The following REPS1 variants were observed in gnomAD, a reference collection of about 807,000 sequenced individuals.
REPS1 encodes the protein ralBP1-associated Eps domain-containing protein 1.
REPS1 carries 39 observed loss-of-function variants against 100.9 expected under a neutral mutation model. That is an observed-to-expected ratio of 0.39 (90% CI 0.30 to 0.50). REPS1 has a LOEUF of 0.50. Ranked by LOEUF, REPS1 falls within the 20% of genes least tolerant of loss-of-function variation. The probability of loss-of-function intolerance (pLI) is 0.86; values close to 1 mark genes in which losing one functional copy is unlikely to be tolerated. For missense variants in REPS1, 821 were observed against 968.5 expected, an observed-to-expected ratio of 0.85 and a Z score of 2.02; for synonymous variants, 324 against 340.3, an observed-to-expected ratio of 0.95 and a Z score of 0.53.
chr6:138,983,289 T>C (rs748124581), intron 1 of REPS1, among the ~76,000 whole-genome samples: 1 of 151,940 alleles, frequency 6.6e-6, no homozygotes, highest in Non-Finnish European at 1.5e-5. Context: ...CCGACTCTAC[T>C]AAAAATACAA....
At position 138,943,917 on chromosome 6, in the gene REPS1, T is replaced by C. The variant is rs1292193819; in HGVS notation, c.852A>G (p.Glu284=). The part of the protein sequence containing the change: ...SYDDPWKITD[E]QRQYYVNQFK... Reference sequence around the variant, plus strand: ...ACTGATTTACATAATACTGTCTTTGTTCATCTGTTATTTTCCAGGGATCAT... The same window carrying C: ...ACTGATTTACATAATACTGTCTTTGCTCATCTGTTATTTTCCAGGGATCAT... The change falls in exon 6 of 20, where the codon GAA becomes GAG. Residue 284 remains glutamate, a synonymous_variant. Transcript: ENST00000450536. The C allele has an allele frequency of 1.2e-6, 2 of 1,613,688 alleles. No individual in the cohort carries two copies. Among genetic ancestry groups the C allele is most frequent in the African/African-American group, 1.3e-5 (1 of 74,924 alleles).
At chr6:138,918,935 C>A in intron 12 of REPS1, among the ~76,000 whole-genome samples, 1 of 152,140 alleles carries the variant, frequency 6.6e-6, no homozygotes, top group Non-Finnish European at 1.5e-5. Context: ...GCTGAAGGGA[C>A]TGGTTATTTT....
chr6:138,970,301 A>G (rs886525529), intron 1 of REPS1, among the ~76,000 whole-genome samples: 1 of 152,140 alleles, frequency 6.6e-6, no homozygotes, highest in African/African-American at 2.4e-5. Context: ...AGAAGACAGT[A>G]GGAAGACAAT....
At chr6:138,911,865 A>C (rs574951970) in intron 16 of REPS1, among the ~76,000 whole-genome samples, 1 of 152,248 alleles carries the variant, frequency 6.6e-6, no homozygotes, top group East Asian at 1.9e-4. Context: ...GCGAGGATGC[A>C]GGTCATAAAT....
chr6:138,971,653 T>C (rs1784353042), intron 1 of REPS1, among the ~76,000 whole-genome samples: 1 of 152,132 alleles, frequency 6.6e-6, no homozygotes, highest in Non-Finnish European at 1.5e-5. Context: ...AAAGCAGCAA[T>C]GTCTTGTCAG....
intron 1 of REPS1, among the ~76,000 whole-genome samples, chr6:138,977,483 G>A (rs1784660079): frequency 6.6e-6 from 1 of 152,148 alleles, no homozygotes; most frequent in Non-Finnish European, 1.5e-5. Flanking sequence ...TGATATGCGG[G>A]TGCCATCACA....
chr6:138,930,295 C>T (rs954050705), intron 8 of REPS1, among the ~76,000 whole-genome samples, 197 bp from the exon 9 acceptor site: 3 of 152,046 alleles, frequency 2.0e-5, no homozygotes, highest in African/African-American at 7.2e-5. Context: ...CTACTCAAAA[C>T]CACAGCTTTT....
intron 16 of REPS1, 103 bp from the exon 17 acceptor site, chr6:138,911,474 A>G: frequency 1.2e-6 from 1 of 800,390 alleles, no homozygotes; most frequent in Non-Finnish European, 2.0e-6. Context: ...ATATTCTGAC[A>G]AGAAAACTGA....
Position 138,938,839 on chromosome 6 carries a change from C to T in REPS1, c.1135+2496G>A, listed in dbSNP as rs186753270. On this transcript the variant is annotated intron_variant, in intron 8 of 19. Coordinates refer to ENST00000450536, the MANE Select transcript of REPS1 (RefSeq NM_001286611.2). ...TAACCGTGACCTTTTAAAAACACAG[C>T]TATTTTTATAATTTTTTTTTTTTTT... 7.1e-4 allele frequency among the ~76,000 whole-genome samples: 101 copies of T among 143,034 alleles called. 3 individuals are homozygous for T. The South Asian group carries it at 0.014, about 20-fold the overall frequency. The allele number at this position is 143,034 out of a possible 152,430, so 93.8% of individuals were successfully genotyped here.
intron 1 of REPS1, among the ~76,000 whole-genome samples, chr6:138,963,108 G>A (rs1006675333): frequency 1.5e-5 from 2 of 131,732 alleles, no homozygotes; most frequent in African/African-American, 3.3e-5. Context: ...ACTCTATCTC[G>A]AAATAACTAA....
chr6:138,985,803 T>A (rs1338488045), intron 1 of REPS1, among the ~76,000 whole-genome samples: 1 of 152,234 alleles, frequency 6.6e-6, no homozygotes, highest in Non-Finnish European at 1.5e-5. Context: ...TTAATGCTAA[T>A]GTGTCTGTCC....
intron 15 of REPS1, among the ~76,000 whole-genome samples, chr6:138,913,468 C>A (rs962399534): frequency 7.9e-5 from 12 of 152,134 alleles, no homozygotes; most frequent in Non-Finnish European, 1.8e-4. Context: ...CATCTTCAGT[C>A]TAAAAATATG....
At chr6:138,981,421 A>T (rs1171038939) in intron 1 of REPS1, among the ~76,000 whole-genome samples, 1 of 152,244 alleles carries the variant, frequency 6.6e-6, no homozygotes, top group African/African-American at 2.4e-5. Flanking sequence ...AAGGCTACAG[A>T]AAATAAAACC....
At chr6:138,948,731 T>C (rs1218826246) in intron 1 of REPS1, among the ~76,000 whole-genome samples, 1 of 152,128 alleles carries the variant, frequency 6.6e-6, no homozygotes, top group Non-Finnish European at 1.5e-5. Flanking sequence ...AACACAAACT[T>C]TTGTATAGAG....
chr6:138,920,436 A>G, intron 11 of REPS1, 120 bp from the exon 12 acceptor site: 1 of 477,276 alleles, frequency 2.1e-6, no homozygotes, highest in Non-Finnish European at 3.7e-6. Context: ...AATCCATAAA[A>G]TGTAAGACAA....
chr6:138,957,445 A>G (rs561580770), intron 1 of REPS1, among the ~76,000 whole-genome samples: 47 of 152,330 alleles, frequency 3.1e-4, no homozygotes, highest in African/African-American at 9.9e-4. Flanking sequence ...AACTATCAAG[A>G]TCATGGAAAG....
chr6:138,911,806 G>A (rs1057254734), intron 16 of REPS1, among the ~76,000 whole-genome samples: 5 of 147,828 alleles, frequency 3.4e-5, no homozygotes, highest in African/African-American at 7.5e-5. Flanking sequence ...AGAGGAGGAG[G>A]GGACGAGGAT....
chr6:138,911,524 C>A (rs971509520), intron 16 of REPS1, among the ~76,000 whole-genome samples, 153 bp from the exon 17 acceptor site: 4 of 152,184 alleles, frequency 2.6e-5, no homozygotes, highest in African/African-American at 7.2e-5. Flanking sequence ...ATTAAATGAG[C>A]CTTCTCTGCT....
chr6:138,952,166 A>C (rs1375322697), intron 1 of REPS1, among the ~76,000 whole-genome samples: 1 of 152,212 alleles, frequency 6.6e-6, no homozygotes, highest in Non-Finnish European at 1.5e-5. Context: ...TAAAGTTCCT[A>C]CATCCCCATC....
Sources: allele counts gnomAD v4.1 joint callset (sites outside exome capture counted in the v4.1 genomes callset), GRCh38; gene constraint gnomAD v4.1.1; transcripts MANE v1.5; gene names NCBI Gene and HGNC (gene_info 2026-07-23, HGNC 2026-07-21).